CUX1: variants seen among roughly 807,000 people sequenced by gnomAD.
The protein encoded by CUX1 is protein CASP.
Under a neutral mutation model 158.8 loss-of-function variants are expected in CUX1, and 31 were observed. That is an observed-to-expected ratio of 0.20 (90% confidence interval 0.15 to 0.26). The LOEUF is 0.26. CUX1 is among the 10% of genes least tolerant of loss of function. The pLI, the probability that CUX1 is intolerant of heterozygous loss-of-function variation, is 1.00. For missense variants in CUX1, 1,589 were observed against 2,014.6 expected (o/e 0.79, Z 4.04); for synonymous variants, 879 against 862.1 (o/e 1.02, Z -0.34).
intron 1 of CUX1, among the ~76,000 whole-genome samples, chr7:101,842,693 A>G (rs1217921144): frequency 1.3e-5 from 2 of 150,332 alleles, no homozygotes; most frequent in Non-Finnish European, 3.0e-5. Flanking sequence ...GCCTTCCTAC[A>G]GTTTTTGACA....
chr7:101,887,311 CTTTCTTTTTTT>C (rs1200369850), intron 1 of CUX1, among the ~76,000 whole-genome samples: 2 of 150,930 alleles, frequency 1.3e-5, no homozygotes, highest in Non-Finnish European at 1.5e-5. Flanking sequence ...CTTTTTTTTT[CTTTCTTTTTTT>C]TTAGAAAGAG....
chr7:102,010,165 G>A (rs1418128859), intron 2 of CUX1, among the ~76,000 whole-genome samples: 3 of 151,972 alleles, frequency 2.0e-5, no homozygotes, highest in Non-Finnish European at 2.9e-5. Context: ...AGGCGGGGGT[G>A]GGCAGATCAC....
rs1554519665 is a variant in CUX1 at position 102,201,436 on chromosome 7, C to T, written c.2139C>T (p.Ala713=). The T allele has an allele frequency of 6.2e-7, 1 of 1,614,128 alleles. No individual in the cohort carries two copies. The highest frequency in any genetic ancestry group is 8.5e-7 in the Non-Finnish European group (1 of 1,180,032). ...DDAIRSILQQ[A]RREMEAQQAA... ...CCATCCGCTCCATCCTGCAGCAAGC[C>T]CGCCGGGAGATGGAGGCCCAGCAGG... Residue 713 remains alanine (A), a synonymous_variant, in exon 18 of 24, where the codon GCC becomes GCT. Coordinates refer to ENST00000292535, the MANE Select transcript of CUX1 (RefSeq NM_181552.4). This position sits in a 1 kb window ranked among gnomAD's most constrained non-coding sequence, Gnocchi z 5.0.
Position 102,067,229 on chromosome 7 carries a change from C to CTTTTT in CUX1, c.190-3092_190-3088dup, listed in dbSNP as rs34912215. Among the ~76,000 whole-genome samples, 210 of 94,022 alleles carry CTTTTT rather than the reference C, an allele frequency of 2.2e-3. 3 individuals are homozygous for CTTTTT. The highest frequency in any genetic ancestry group is 2.6e-3 in the Non-Finnish European group (136 of 51,890). 61.7% of individuals were successfully genotyped at this position (94,022 alleles called of 152,430 possible). ...GCCTGTGTGTCTGCATTTCATGTAA[C>CTTTTT]TTTTTTTTTTTTTTTTTTTTTTGAG... On this transcript the variant is annotated intron_variant, in intron 3 of 23. Coordinates refer to ENST00000292535, the MANE Select transcript of CUX1 (RefSeq NM_181552.4).
Position 102,255,792 on chromosome 7 carries a change from A to C in CUX1, c.*6750A>C. On this transcript the variant is annotated 3_prime_UTR_variant, in exon 24 of 24. Transcript: ENST00000292535. Reference sequence around the variant, plus strand: ...AGTGGCACGGAGCTGCTTTTGTTTTATAATTCTTTTTTCCCCCCTTTTCCT... The same window carrying C: ...AGTGGCACGGAGCTGCTTTTGTTTTCTAATTCTTTTTTCCCCCCTTTTCCT... 10 of 985,386 alleles carry C rather than the reference A, an allele frequency of 1.0e-5. No homozygotes were observed. The highest frequency in any genetic ancestry group is 1.1e-5 in the Non-Finnish European group (9 of 829,892). 61.0% of individuals were successfully genotyped at this position (985,386 alleles called of 1,614,324 possible).
intron 10 of CUX1, 50 bp downstream of exon 10, chr7:102,170,600 C>T (rs1554510159): frequency 7.8e-7 from 1 of 1,279,040 alleles, no homozygotes; most frequent in Non-Finnish European, 1.1e-6. Flanking sequence ...GCCTCCGCAC[C>T]TTCGAGTTAC....
chr7:101,957,879 G>A (rs772796386), intron 2 of CUX1, among the ~76,000 whole-genome samples: 14 of 152,282 alleles, frequency 9.2e-5, no homozygotes, highest in Non-Finnish European at 1.8e-4. Flanking sequence ...GGAAACAGTG[G>A]TTAAGTGTGA....
intron 10 of CUX1, among the ~76,000 whole-genome samples, chr7:102,176,038 CA>C (rs1554511818): frequency 6.6e-6 from 1 of 152,224 alleles, no homozygotes; most frequent in Non-Finnish European, 1.5e-5. Context: ...AATAAGCCGA[CA>C]GGAGATGCTC....
chr7:101,968,517 G>C (rs953181566), intron 2 of CUX1, among the ~76,000 whole-genome samples: 2 of 152,258 alleles, frequency 1.3e-5, no homozygotes, highest in African/African-American at 4.8e-5. Flanking sequence ...CCGTCTCCCA[G>C]GTTCAAGTGA....
At chr7:102,168,511 G>T (rs1186568338) in intron 9 of CUX1, among the ~76,000 whole-genome samples, 1 of 151,532 alleles carries the variant, frequency 6.6e-6, no homozygotes, top group African/African-American at 2.4e-5. Context: ...GCCAGGCATG[G>T]TGGGCACCTG....
At chr7:102,060,264 C>T (rs1430976018) in intron 3 of CUX1, among the ~76,000 whole-genome samples, 3 of 149,896 alleles carry the variant, frequency 2.0e-5, no homozygotes, top group South Asian at 2.1e-4. Flanking sequence ...GGAGACAGAG[C>T]GAGACTCTGT....
At chr7:102,007,508 C>G (rs965469494) in intron 2 of CUX1, among the ~76,000 whole-genome samples, 1 of 151,744 alleles carries the variant, frequency 6.6e-6, no homozygotes, top group Non-Finnish European at 1.5e-5. Flanking sequence ...GGGTATTTCC[C>G]ACGTGGATTT....
intron 8 of CUX1, among the ~76,000 whole-genome samples, chr7:102,139,388 A>G (rs76727930): frequency 0.022 from 3,349 of 152,220 alleles, 48 homozygotes; most frequent in Non-Finnish European, 0.033. Flanking sequence ...ATGACATTGT[A>G]TTGATACATT....
Position 102,253,502 on chromosome 7 carries a change from T to C in CUX1, c.*4460T>C. The C allele has an allele frequency of 1.0e-6, 1 of 985,498 alleles. No homozygotes were observed. Among genetic ancestry groups the C allele is most frequent in the African/African-American group, 1.7e-5 (1 of 57,380 alleles). The allele number at this position is 985,498 out of a possible 1,614,324, so 61.0% of individuals were successfully genotyped here. On this transcript the variant is annotated 3_prime_UTR_variant, in exon 24 of 24. Coordinates refer to ENST00000292535, the MANE Select transcript of CUX1 (RefSeq NM_181552.4). ...TGACTTTGTTCCTCCTGCATGCATG[T>C]CCTTTGATGCAAGGGTGATCAATGA...
chr7:101,840,329 G>T (rs1459118215), intron 1 of CUX1, among the ~76,000 whole-genome samples: 3 of 152,180 alleles, frequency 2.0e-5, no homozygotes, highest in Non-Finnish European at 2.9e-5. Context: ...GATAGAGGCT[G>T]CCCTTTTCTT....
Position 102,257,189 on chromosome 7 carries a change from G to C in CUX1, c.*8147G>C. On this transcript the variant is annotated 3_prime_UTR_variant, in exon 24 of 24. Transcript: ENST00000292535. Reference sequence around the variant, plus strand: ...TGCTCACCCCAAGGTAGGCTGGGAAGAGCATCTCTTTCCATATCATCACCT... The same window carrying C: ...TGCTCACCCCAAGGTAGGCTGGGAACAGCATCTCTTTCCATATCATCACCT... The C allele has an allele frequency of 1.0e-6, 1 of 985,402 alleles. No homozygotes were observed. The highest frequency in any genetic ancestry group is 4.7e-5 in the South Asian group (1 of 21,274). The allele number at this position is 985,402 out of a possible 1,614,324, so 61.0% of individuals were successfully genotyped here. A position where few individuals can be genotyped will look rare whatever the true frequency, so the allele number is the denominator to read the frequency against.
chr7:101,893,598 G>A (rs931961399), intron 1 of CUX1, among the ~76,000 whole-genome samples: 4 of 152,148 alleles, frequency 2.6e-5, no homozygotes, highest in Middle Eastern at 3.2e-3. Flanking sequence ...AGACTCTAAC[G>A]TAGAGAAGTG....
chr7:101,906,971 C>T (rs1451066534), intron 1 of CUX1, among the ~76,000 whole-genome samples: 1 of 152,172 alleles, frequency 6.6e-6, no homozygotes, highest in African/African-American at 2.4e-5. Context: ...GTTCGAGATG[C>T]CCCCTCTGGC....
At chr7:102,214,657 C>A (rs1258398995) in intron 20 of CUX1, among the ~76,000 whole-genome samples, 3 of 152,256 alleles carry the variant, frequency 2.0e-5, no homozygotes, top group African/African-American at 4.8e-5. Flanking sequence ...CTGTCACGGC[C>A]CCCCGGAGCC....
Sources: gnomAD v4.1 joint callset for allele counts (sites outside exome capture counted in the v4.1 genomes callset) on GRCh38, gnomAD v4.1.1 for gene constraint, Gnocchi (gnomAD v3.1) non-coding constraint, MANE v1.5 for transcripts, NCBI Gene and HGNC (gene_info 2026-07-23, HGNC 2026-07-21) for gene names.